The following USP33 variants were observed in gnomAD, a reference collection of about 807,000 sequenced individuals.
The protein encoded by USP33 is ubiquitin carboxyl-terminal hydrolase 33.
A neutral mutation model predicts 124.2 loss-of-function variants in USP33; 46 were observed. The ratio of observed to expected loss-of-function variants is 0.37; its 90% CI spans 0.29 to 0.47. The LOEUF (loss-of-function observed/expected upper bound fraction) is 0.47, where lower values mean the gene tolerates loss of function less well. USP33 is among the 20% of genes least tolerant of loss of function. The pLI is 0.99. For synonymous variants in USP33, 350 were observed against 352.3 expected (o/e 0.99, Z 0.07); for missense variants, 851 against 1,070.6 (o/e 0.79, Z 2.86).
At chr1:77,734,307 A>G in intron 7 of USP33, 40 bp downstream of exon 7, 5 of 1,456,970 alleles carry the variant, frequency 3.4e-6, no homozygotes, top group Non-Finnish European at 4.7e-6. Context: ...AATAACTTAA[A>G]AAATTATACA....
At chr1:77,720,165 GAAAAAAAAA>G (rs745681259) in intron 15 of USP33, among the ~76,000 whole-genome samples, 18 of 42,744 alleles carry the variant, frequency 4.2e-4, no homozygotes, top group Non-Finnish European at 4.8e-4. Context: ...TGTCTCAAAT[GAAAAAAAAA>G]AAAAAAAAAA....
intron 1 of USP33, among the ~76,000 whole-genome samples, chr1:77,750,074 T>G (rs1268006678): frequency 6.6e-6 from 1 of 152,022 alleles, no homozygotes; most frequent in Non-Finnish European, 1.5e-5. Flanking sequence ...TTCCAGAATT[T>G]TGGGAGGCCG....
intron 22 of USP33, among the ~76,000 whole-genome samples, chr1:77,699,218 T>C (rs902962297): frequency 8.6e-5 from 13 of 151,986 alleles, no homozygotes; most frequent in Non-Finnish European, 1.9e-4. Flanking sequence ...AGAATGCCAG[T>C]TATTAAAAAG....
intron 21 of USP33, among the ~76,000 whole-genome samples, chr1:77,709,445 T>C (rs1413051367): frequency 6.6e-6 from 1 of 151,790 alleles, no homozygotes; most frequent in Non-Finnish European, 1.5e-5. Flanking sequence ...AGCCTAGGAG[T>C]TCAAGGTTAC....
chr1:77,751,970 G>A (rs1199680977), intron 1 of USP33, among the ~76,000 whole-genome samples: 3 of 151,976 alleles, frequency 2.0e-5, no homozygotes, highest in Non-Finnish European at 4.4e-5. Flanking sequence ...TTACAGGCTT[G>A]AGCCACCGCG....
chr1:77,728,518 G>C lies in USP33; in HGVS notation c.912C>G (p.Gly304=). Residue 304 remains glycine, a synonymous_variant, in exon 10 of 24, where the codon GGC becomes GGG. Transcript: ENST00000370794. ...TATTATCTTCAGAAAAGCATCTAGA[G>C]CCATTTTCATTTTCTGCTCTATCAC... ...SNSDRAENEN[G]SRCFSEDNNE... The C allele has an allele frequency of 5.0e-6, 8 of 1,614,024 alleles. No homozygotes were observed. Among genetic ancestry groups the C allele is most frequent in the Non-Finnish European group, 5.9e-6 (7 of 1,179,996 alleles).
intron 1 of USP33, among the ~76,000 whole-genome samples, chr1:77,746,994 T>A (rs1679806725): frequency 6.6e-6 from 1 of 152,244 alleles, no homozygotes; most frequent in Non-Finnish European, 1.5e-5. Flanking sequence ...GGATTTGTTC[T>A]TTTATTAATT....
chr1:77,741,750 T>C lies in USP33; in HGVS notation c.-51-2A>G. The stretch of plus-strand genomic sequence containing the variant: ...AAGACTTTCAAAATGAGGTAACACC[T>C]ATAAGAAAAGTAACACACACAAAAA... On this transcript the variant is annotated splice_acceptor_variant, in intron 1 of 23. Coordinates refer to ENST00000370794, the MANE Select transcript of USP33 (RefSeq NM_201624.3). LOFTEE classifies it low-confidence loss of function (5UTR_SPLICE). The C allele has an allele frequency of 6.4e-7, 1 of 1,569,820 alleles. No individual in the cohort carries two copies. The highest frequency in any genetic ancestry group is 8.6e-7 in the Non-Finnish European group (1 of 1,163,584).
intron 15 of USP33, 62 bp downstream of exon 15, chr1:77,721,110 C>A: frequency 6.3e-7 from 1 of 1,592,004 alleles, no homozygotes; most frequent in South Asian, 1.1e-5. Flanking sequence ...TCCACATACC[C>A]AATTCTAAAA....
At chr1:77,707,500 T>A (rs1478918572) in intron 21 of USP33, among the ~76,000 whole-genome samples, 1 of 152,198 alleles carries the variant, frequency 6.6e-6, no homozygotes, top group Non-Finnish European at 1.5e-5. Context: ...TACCCTTTTT[T>A]CAAGTAAGGT....
chr1:77,752,987 G>A (rs1419442007), intron 1 of USP33, among the ~76,000 whole-genome samples: 1 of 152,064 alleles, frequency 6.6e-6, no homozygotes, highest in East Asian at 1.9e-4. Context: ...GCTGAGGCAT[G>A]GGAATTGCTG....
At chr1:77,739,192 T>A (rs1678832646) in intron 5 of USP33, 73 bp downstream of exon 5, 1 of 1,524,904 alleles carries the variant, frequency 6.6e-7, no homozygotes, top group Non-Finnish European at 8.8e-7. Flanking sequence ...TTTGAAAATT[T>A]CAGCTACATG....
At chr1:77,729,113 C>T (rs1020137746) in intron 9 of USP33, among the ~76,000 whole-genome samples, 2 of 152,038 alleles carry the variant, frequency 1.3e-5, no homozygotes, top group Admixed American at 1.3e-4. Flanking sequence ...CCTATGTTAC[C>T]CAGGCTGGTC....
chr1:77,741,566 T>A, intron 2 of USP33, 51 bp downstream of exon 2: 2 of 1,554,146 alleles, frequency 1.3e-6, no homozygotes, highest in Non-Finnish European at 1.7e-6. Context: ...AAATTACACA[T>A]TCAAGAGAAA....
intron 20 of USP33, 99 bp from the exon 21 acceptor site, chr1:77,711,954 A>G: frequency 8.5e-7 from 1 of 1,176,280 alleles, no homozygotes. Flanking sequence ...CCTCTTAATA[A>G]AATTCTCAAA....
intron 9 of USP33, among the ~76,000 whole-genome samples, chr1:77,729,436 C>T (rs979534843): frequency 2.0e-5 from 3 of 151,014 alleles, no homozygotes; most frequent in Non-Finnish European, 4.4e-5. Flanking sequence ...TGTGGGAGGC[C>T]GAGGAGGGTG....
chr1:77,746,130 G>A (rs988526430), intron 1 of USP33, among the ~76,000 whole-genome samples: 81 of 152,116 alleles, frequency 5.3e-4, no homozygotes, highest in South Asian at 1.9e-3. Flanking sequence ...TTGATAGACC[G>A]CTAGCAAGAC....
At chr1:77,743,277 T>C (rs921795283) in intron 1 of USP33, among the ~76,000 whole-genome samples, 2 of 152,110 alleles carry the variant, frequency 1.3e-5, no homozygotes, top group African/African-American at 4.8e-5. Context: ...TGCAATAAAT[T>C]TGCTGAAATA....
At position 77,721,211 on chromosome 1, in the gene USP33, A is replaced by G; in HGVS notation, c.1658-6T>C. The G allele has an allele frequency of 6.2e-7, 1 of 1,613,844 alleles. No individual in the cohort carries two copies. The highest frequency in any genetic ancestry group is 8.5e-7 in the Non-Finnish European group (1 of 1,179,880). On this transcript the variant is annotated splice_polypyrimidine_tract_variant and splice_region_variant and intron_variant, in intron 14 of 23. Coordinates refer to ENST00000370794, the MANE Select transcript of USP33 (RefSeq NM_201624.3). ...ACAACTGTACATATTGTCACCTGCAAATAAAACAGATCTGGCATTGGTTTC... is the reference window on the plus strand; with the variant it reads ...ACAACTGTACATATTGTCACCTGCAGATAAAACAGATCTGGCATTGGTTTC...
Sources: allele counts gnomAD v4.1 joint callset (sites outside exome capture counted in the v4.1 genomes callset), GRCh38; gene constraint gnomAD v4.1.1; transcripts MANE v1.5; gene names NCBI Gene and HGNC (gene_info 2026-07-23, HGNC 2026-07-21).